The following PLCXD3 variants were observed in gnomAD, a reference collection of about 807,000 sequenced individuals.
The protein encoded by PLCXD3 is phosphatidylinositol specific phospholipase C X domain containing 3, also known as PI-PLC X domain-containing protein 3.
PLCXD3 carries 19 observed loss-of-function variants against 25.5 expected under a neutral mutation model. The ratio of observed to expected loss-of-function variants is 0.75; its 90% CI spans 0.52 to 1.09. The LOEUF is 1.09. Among genes scored for constraint, PLCXD3 ranks in the 50% least tolerant of loss-of-function variants. The probability of loss-of-function intolerance (pLI) is 0.00; values close to 1 mark genes in which losing one functional copy is unlikely to be tolerated. For missense variants in PLCXD3, 411 were observed against 388.1 expected (o/e 1.06, Z -0.50); for synonymous variants, 174 against 137.6 (o/e 1.26, Z -1.85).
chr5:41,411,017 G>A (rs1746504421), intron 1 of PLCXD3, among the ~76,000 whole-genome samples: 1 of 152,070 alleles, frequency 6.6e-6, no homozygotes, highest in African/African-American at 2.4e-5. Context: ...ACATAGCCTG[G>A]GCAAATGGGG....
At chr5:41,473,649 G>T (rs964092546) in intron 1 of PLCXD3, among the ~76,000 whole-genome samples, 1 of 151,880 alleles carries the variant, frequency 6.6e-6, no homozygotes, top group African/African-American at 2.4e-5. Flanking sequence ...ATAGATACGG[G>T]GTTTCACCAT....
intron 1 of PLCXD3, among the ~76,000 whole-genome samples, chr5:41,421,430 G>A (rs910731730): frequency 1.3e-5 from 2 of 152,162 alleles, no homozygotes; most frequent in Non-Finnish European, 2.9e-5. Context: ...AGCTGGGCGC[G>A]GTGGCTCACG....
At chr5:41,359,745 T>G (rs1018847103) in intron 2 of PLCXD3, among the ~76,000 whole-genome samples, 2 of 152,214 alleles carry the variant, frequency 1.3e-5, no homozygotes, top group Non-Finnish European at 2.9e-5. Context: ...CTTGGTTATT[T>G]CTTTTCTTAC....
intron 1 of PLCXD3, among the ~76,000 whole-genome samples, chr5:41,384,898 G>C (rs1745588078): frequency 6.6e-6 from 1 of 152,004 alleles, no homozygotes; most frequent in South Asian, 2.1e-4. Flanking sequence ...TGACTCTGAG[G>C]TGTAGCCACA....
At chr5:41,404,573 C>T (rs1457649735) in intron 1 of PLCXD3, among the ~76,000 whole-genome samples, 3 of 152,026 alleles carry the variant, frequency 2.0e-5, no homozygotes, top group Non-Finnish European at 4.4e-5. Flanking sequence ...AAATATGGAA[C>T]AATAAAAACT....
intron 1 of PLCXD3, among the ~76,000 whole-genome samples, chr5:41,501,143 T>C (rs1245185460): frequency 6.6e-6 from 1 of 152,026 alleles, no homozygotes; most frequent in African/African-American, 2.4e-5. Context: ...GAGAACAGAA[T>C]GGAATTACGT....
rs116480014 is a variant in PLCXD3 at position 41,485,509 on chromosome 5, G to A, written c.103+24915C>T. Among the ~76,000 whole-genome samples the A allele has an allele frequency of 9.3e-3, 1,409 of 152,204 alleles. 29 individuals are homozygous for A. The highest frequency in any genetic ancestry group is 0.033 in the African/African-American group (1,368 of 41,532). On this transcript the variant is annotated intron_variant, in intron 1 of 2. Transcript: ENST00000377801. ...GAAAGAAGGCTATATTCCATTTGCG[G>A]TGGCTTCCAGAACCTTCAGAGTTAT... is the stretch of plus-strand genomic sequence containing the variant.
chr5:41,479,144 T>C (rs1426924575), intron 1 of PLCXD3, among the ~76,000 whole-genome samples: 1 of 152,180 alleles, frequency 6.6e-6, no homozygotes, highest in Non-Finnish European at 1.5e-5. Context: ...TACTATATTA[T>C]TCAGTCTTAA....
chr5:41,380,123 G>C (rs1745412781), intron 2 of PLCXD3, among the ~76,000 whole-genome samples: 1 of 151,580 alleles, frequency 6.6e-6, no homozygotes, highest in Non-Finnish European at 1.5e-5. Flanking sequence ...TGATCAATTA[G>C]CCACATCTAC....
intron 1 of PLCXD3, among the ~76,000 whole-genome samples, chr5:41,436,443 GTTATA>G (rs889061667): frequency 6.6e-6 from 1 of 152,056 alleles, no homozygotes; most frequent in Non-Finnish European, 1.5e-5. Flanking sequence ...GTTGAAAATA[GTTATA>G]TTATACCCAC....
chr5:41,458,419 A>G (rs1747803535), intron 1 of PLCXD3, among the ~76,000 whole-genome samples: 2 of 152,106 alleles, frequency 1.3e-5, no homozygotes, highest in South Asian at 4.1e-4. Flanking sequence ...AAATGTGACC[A>G]GGCTGAATAG....
At position 41,330,029 on chromosome 5, in the gene PLCXD3, A is replaced by G. The variant is rs570186216; in HGVS notation, c.813-16259T>C. Among the ~76,000 whole-genome samples, 17 of 152,120 alleles carry G rather than the reference A, an allele frequency of 1.1e-4. No homozygotes were observed. In the South Asian group the frequency reaches 3.1e-3, roughly 28 times the overall value. On this transcript the variant is annotated intron_variant, in intron 2 of 2. Transcript: ENST00000377801. ...TATGGGCGAACAATTGTGGATAATA[A>G]AAAATTTGTGTCTTTTAATGAATTT...
At chr5:41,321,655 G>A (rs1743474165) in intron 2 of PLCXD3, among the ~76,000 whole-genome samples, 1 of 152,168 alleles carries the variant, frequency 6.6e-6, no homozygotes, top group Non-Finnish European at 1.5e-5. Flanking sequence ...AAAACTGGAA[G>A]AATCACATTA....
chr5:41,463,621 T>C (rs1446633772), intron 1 of PLCXD3, among the ~76,000 whole-genome samples: 4 of 152,034 alleles, frequency 2.6e-5, no homozygotes, highest in African/African-American at 9.7e-5. Flanking sequence ...TACTAATTCA[T>C]GTTTACAACT....
chr5:41,377,334 A>G (rs141938225), intron 2 of PLCXD3, among the ~76,000 whole-genome samples: 1 of 151,838 alleles, frequency 6.6e-6, no homozygotes, highest in Non-Finnish European at 1.5e-5. Flanking sequence ...TTATTGTTAT[A>G]TTAATCATTA....
intron 1 of PLCXD3, among the ~76,000 whole-genome samples, chr5:41,469,999 G>C (rs965714433): frequency 6.6e-6 from 1 of 152,192 alleles, no homozygotes; most frequent in Non-Finnish European, 1.5e-5. Context: ...GCTGATAAGA[G>C]CTAGTTTAGA....
intron 1 of PLCXD3, among the ~76,000 whole-genome samples, chr5:41,496,653 G>T (rs1243117891): frequency 2.2e-5 from 3 of 136,062 alleles, no homozygotes; most frequent in Non-Finnish European, 4.7e-5. Context: ...AGCCTAGAAA[G>T]TTTATCACCA....
At chr5:41,431,795 GAC>G (rs1232195068) in intron 1 of PLCXD3, among the ~76,000 whole-genome samples, 2 of 152,288 alleles carry the variant, frequency 1.3e-5, no homozygotes, top group East Asian at 3.9e-4. Flanking sequence ...TTTAAAGTGA[GAC>G]ACAGTTAATT....
chr5:41,388,030 T>C (rs1455054142), intron 1 of PLCXD3, among the ~76,000 whole-genome samples: 1 of 152,068 alleles, frequency 6.6e-6, no homozygotes, highest in Non-Finnish European at 1.5e-5. Flanking sequence ...AAATGATAAA[T>C]GGCTCTTGGG....
Sources: allele counts gnomAD v4.1 joint callset (sites outside exome capture counted in the v4.1 genomes callset), GRCh38; gene constraint gnomAD v4.1.1; transcripts MANE v1.5; gene names NCBI Gene and HGNC (gene_info 2026-07-23, HGNC 2026-07-21).